Variants in OTOG observed in about 807,000 individuals in gnomAD.
OTOG encodes otogelin.
OTOG carries 296 observed loss-of-function variants against 313.8 expected under a neutral mutation model. That is an observed-to-expected ratio of 0.94 (90% CI 0.86 to 1.04). The LOEUF (loss-of-function observed/expected upper bound fraction) is 1.04. OTOG is among the 50% of genes least tolerant of loss of function. OTOG has a pLI of 0.00. For synonymous variants in OTOG, 1,533 were observed against 1,554.9 expected, an observed-to-expected ratio of 0.99 and a Z score of 0.33; for missense variants, 3,948 against 3,840.1, an observed-to-expected ratio of 1.03 and a Z score of -0.74.
At position 17,643,444 on chromosome 11, in the gene OTOG, C is replaced by G. The variant is rs774943423; in HGVS notation, c.8416-17C>G. On this transcript the variant is annotated splice_polypyrimidine_tract_variant and intron_variant, in intron 53 of 55. Transcript: ENST00000399397. Reference sequence around the variant, plus strand: ...GGTCTCCACACCTACCTACCTCCCCCGACTTCCTCTCTCTAGGTTGGGGGT... The same window carrying G: ...GGTCTCCACACCTACCTACCTCCCCGGACTTCCTCTCTCTAGGTTGGGGGT... The G allele has an allele frequency of 6.4e-5, 91 of 1,430,804 alleles. No homozygotes were observed. Among genetic ancestry groups the G allele is most frequent in the Non-Finnish European group, 7.9e-5 (86 of 1,087,504 alleles). 88.6% of individuals were successfully genotyped at this position (1,430,804 alleles called of 1,614,324 possible).
At chr11:17,555,260 T>C (rs565297230) in intron 6 of OTOG, among the ~76,000 whole-genome samples, 1 of 151,678 alleles carries the variant, frequency 6.6e-6, no homozygotes, top group East Asian at 1.9e-4. Context: ...GTGAGATGTG[T>C]GCCGATGGGT....
intron 32 of OTOG, among the ~76,000 whole-genome samples, chr11:17,605,619 C>T (rs895086846): frequency 7.9e-5 from 12 of 151,994 alleles, no homozygotes; most frequent in Non-Finnish European, 7.4e-5. Context: ...ATTACCTTCC[C>T]GAGGCTTAGC....
intron 25 of OTOG, among the ~76,000 whole-genome samples, chr11:17,592,453 A>G (rs1316020504): frequency 6.6e-6 from 1 of 152,166 alleles, no homozygotes; most frequent in Non-Finnish European, 1.5e-5. Flanking sequence ...AAAAACAGAT[A>G]TTCCCCTTCC....
chr11:17,560,396 AGGTGGT>A (rs1852155550), intron 12 of OTOG, among the ~76,000 whole-genome samples: 1 of 152,012 alleles, frequency 6.6e-6, no homozygotes, highest in East Asian at 1.9e-4. Flanking sequence ...TTCCTGGAGG[AGGTGGT>A]GCCTGGCACC....
At chr11:17,634,978 G>GC in intron 45 of OTOG, 30 bp downstream of exon 45, 3 of 1,384,946 alleles carry the variant, frequency 2.2e-6, no homozygotes, top group Non-Finnish European at 3.0e-6. Flanking sequence ...GAGGGTGGGG[G>GC]ACGGACTGAG....
chr11:17,618,343 C>G (rs774707813), intron 39 of OTOG, among the ~76,000 whole-genome samples: 1 of 152,112 alleles, frequency 6.6e-6, no homozygotes, highest in Non-Finnish European at 1.5e-5. Context: ...TTTTATTTGA[C>G]CCATGAATTA....
intron 23 of OTOG, among the ~76,000 whole-genome samples, chr11:17,583,579 C>T (rs1036227842): frequency 6.6e-6 from 1 of 152,078 alleles, no homozygotes; most frequent in African/African-American, 2.4e-5. Flanking sequence ...AAAACACTTT[C>T]TTCTCCCCAT....
At chr11:17,641,739 TAC>T (rs1180697490) in intron 51 of OTOG, 106 bp from the exon 52 acceptor site, 3 of 779,486 alleles carry the variant, frequency 3.8e-6, no homozygotes, top group African/African-American at 3.5e-5. Context: ...CTCGAGCACT[TAC>T]AGAGGGTCCT....
chr11:17,593,856 C>T, intron 27 of OTOG, 100 bp downstream of exon 27: 2 of 1,456,426 alleles, frequency 1.4e-6, no homozygotes, highest in Non-Finnish European at 1.9e-6. Context: ...CCAAGAAGAG[C>T]ATGCCTCTGT....
intron 36 of OTOG, among the ~76,000 whole-genome samples, chr11:17,611,729 G>T (rs1024017502): frequency 2.0e-5 from 3 of 152,134 alleles, no homozygotes; most frequent in African/African-American, 4.8e-5. Flanking sequence ...AAATATGAGC[G>T]CTCCTGTATC....
At chr11:17,577,669 C>T (rs1365601161) in intron 22 of OTOG, among the ~76,000 whole-genome samples, 1 of 152,028 alleles carries the variant, frequency 6.6e-6, no homozygotes, top group Non-Finnish European at 1.5e-5. Flanking sequence ...CCTGGAAGCG[C>T]TTTTCCTTTG....
At chr11:17,634,370 A>T in intron 44 of OTOG, 89 bp downstream of exon 44, 1 of 1,377,778 alleles carries the variant, frequency 7.3e-7, no homozygotes, top group Non-Finnish European at 9.9e-7. Flanking sequence ...GGATAGGACA[A>T]GGCCTAGGAA....
chr11:17,616,109 G>C (rs544241092), intron 39 of OTOG, among the ~76,000 whole-genome samples: 2 of 152,076 alleles, frequency 1.3e-5, no homozygotes, highest in African/African-American at 4.8e-5. Flanking sequence ...ATCTAGACTA[G>C]AGTGTGGTGG....
chr11:17,608,504 T>A, intron 34 of OTOG, 91 bp downstream of exon 34: 1 of 882,194 alleles, frequency 1.1e-6, no homozygotes, highest in Non-Finnish European at 1.6e-6. Flanking sequence ...GTGTTTCATA[T>A]GTTGAGTGTA....
At chr11:17,644,100 G>A (rs7123339) in intron 54 of OTOG, among the ~76,000 whole-genome samples, 25,203 of 152,262 alleles carry the variant, frequency 0.17, 2,390 homozygotes, top group African/African-American at 0.26. Context: ...TGCTCCCCAC[G>A]TCTGGCACAG....
chr11:17,586,522 C>A lies in OTOG; in HGVS notation c.2808C>A (p.Cys936Ter). 1 of 1,454,146 alleles carries A rather than the reference C, an allele frequency of 6.9e-7. No individual in the cohort carries two copies. Among genetic ancestry groups the A allele is most frequent in the South Asian group, 1.5e-5 (1 of 68,158 alleles). The allele number at this position is 1,454,146 out of a possible 1,614,324, so 90.1% of individuals were successfully genotyped here. ...DACFLPEECP[C>*]TWKGKEYFPG... Reference sequence around the variant, plus strand: ...GTTTCCTGCCAGAGGAGTGCCCCTGCACTTGGAAGGGGAAGGAGTATTTCC... The same window carrying A: ...GTTTCCTGCCAGAGGAGTGCCCCTGAACTTGGAAGGGGAAGGAGTATTTCC... The change falls in exon 24 of 56, where the codon TGC becomes TGA. Residue 936 changes from cysteine (C) to a stop codon, truncating the protein, a stop_gained. Coordinates refer to ENST00000399397, the MANE Select transcript of OTOG (RefSeq NM_001292063.2). LOFTEE classifies it high-confidence loss of function.
At chr11:17,551,133 C>T (rs946082001) in intron 3 of OTOG, among the ~76,000 whole-genome samples, 2 of 152,222 alleles carry the variant, frequency 1.3e-5, no homozygotes, top group African/African-American at 4.8e-5. Flanking sequence ...CTGCATCCAG[C>T]ACAATGCTTG....
rs759755702 is a variant in OTOG at position 17,610,295 on chromosome 11, GGCTGT to G, written c.5000_5004del (p.Val1667AspfsTer6). 1 of 1,550,638 alleles carries G rather than the reference GGCTGT, an allele frequency of 6.4e-7. No individual in the cohort carries two copies. The highest frequency in any genetic ancestry group is 1.4e-5 in the African/African-American group (1 of 73,122). ...CCCCCACCTCCTCGGGATCCCACAAGGCTGTGCTGACACCTGCAGTAACTAAGGTC... is the reference window on the plus strand; with the variant it reads ...CCCCCACCTCCTCGGGATCCCACAAGGCTGACACCTGCAGTAACTAAGGTC... On this transcript the variant is annotated frameshift_variant, in exon 36 of 56. Transcript: ENST00000399397. LOFTEE classifies it high-confidence loss of function.
intron 23 of OTOG, among the ~76,000 whole-genome samples, chr11:17,582,033 C>T (rs1317862918): frequency 6.6e-6 from 1 of 152,096 alleles, no homozygotes; most frequent in African/African-American, 2.4e-5. Context: ...GGTAGTATTC[C>T]ATTGTATGAA....
Sources: gnomAD v4.1 joint callset for allele counts (sites outside exome capture counted in the v4.1 genomes callset) on GRCh38, gnomAD v4.1.1 for gene constraint, MANE v1.5 for transcripts, NCBI Gene and HGNC (gene_info 2026-07-23, HGNC 2026-07-21) for gene names.